Variants in SORCS1 observed in about 807,000 individuals in gnomAD.
SORCS1 encodes VPS10 domain-containing receptor SorCS1.
A neutral mutation model predicts 146.1 loss-of-function variants in SORCS1; 60 were observed. The ratio of observed to expected loss-of-function variants is 0.41; its 90% CI spans 0.33 to 0.51. The LOEUF is 0.51. Ranked by LOEUF, SORCS1 falls within the 20% of genes least tolerant of loss-of-function variation. The probability of loss-of-function intolerance (pLI) is 0.21; values close to 1 mark genes in which losing one functional copy is unlikely to be tolerated. For missense variants in SORCS1, 1,352 were observed against 1,487.6 expected, an observed-to-expected ratio of 0.91 and a Z score of 1.50; for synonymous variants, 637 against 584.0, an observed-to-expected ratio of 1.09 and a Z score of -1.31.
intron 1 of SORCS1, among the ~76,000 whole-genome samples, chr10:107,087,607 A>C (rs963975757): frequency 6.6e-6 from 1 of 152,220 alleles, no homozygotes; most frequent in Non-Finnish European, 1.5e-5. Flanking sequence ...CCACCTGGTC[A>C]ATGCTCAATA....
At chr10:107,056,634 T>C (rs1433442760) in intron 1 of SORCS1, among the ~76,000 whole-genome samples, 1 of 152,134 alleles carries the variant, frequency 6.6e-6, no homozygotes, top group African/African-American at 2.4e-5. Context: ...GAAAGCAAAA[T>C]AACATTTCTC....
intron 15 of SORCS1, 117 bp from the exon 16 acceptor site, chr10:106,671,484 C>T: frequency 1.4e-6 from 2 of 1,422,878 alleles, no homozygotes; most frequent in Non-Finnish European, 1.9e-6. Context: ...ACTTTGGTAG[C>T]CCTCTTTGTG....
intron 1 of SORCS1, among the ~76,000 whole-genome samples, chr10:107,094,902 C>A (rs1033950122): frequency 3.3e-5 from 5 of 152,160 alleles, no homozygotes; most frequent in Non-Finnish European, 5.9e-5. Context: ...GTAATAGAAG[C>A]GTCATAGACA....
At chr10:106,789,846 A>G (rs1284189109) in intron 3 of SORCS1, among the ~76,000 whole-genome samples, 1 of 152,250 alleles carries the variant, frequency 6.6e-6, no homozygotes, top group Non-Finnish European at 1.5e-5. Flanking sequence ...GTAATTTATA[A>G]AGCAAAGAAG....
Position 107,164,668 on chromosome 10 carries a change from G to C in SORCS1, c.-142C>G. 2 of 643,876 alleles carry C rather than the reference G, an allele frequency of 3.1e-6. No homozygotes were observed. The highest frequency in any genetic ancestry group is 4.4e-6 in the Non-Finnish European group (2 of 450,292). The allele number at this position is 643,876 out of a possible 1,614,324, so 39.9% of individuals were successfully genotyped here. A position where few individuals can be genotyped will look rare whatever the true frequency, so the allele number is the denominator to read the frequency against. On this transcript the variant is annotated 5_prime_UTR_variant, in exon 1 of 26. Transcript: ENST00000263054. This position sits in a 1 kb window ranked among gnomAD's most constrained non-coding sequence, Gnocchi z 6.8. ...CGCGGTGGGGGCGGGCGGAGGCGGC[G>C]CCGGGCAGGTGGCGGCCGCTTGCCC...
chr10:107,023,681 G>T (rs1269317866), intron 1 of SORCS1, among the ~76,000 whole-genome samples: 1 of 152,106 alleles, frequency 6.6e-6, no homozygotes, highest in East Asian at 1.9e-4. Context: ...GGGAGGAAAA[G>T]ATGTCAAAAA....
intron 2 of SORCS1, among the ~76,000 whole-genome samples, chr10:106,943,017 G>A (rs1448492045): frequency 6.6e-6 from 1 of 151,998 alleles, no homozygotes; most frequent in Non-Finnish European, 1.5e-5. Flanking sequence ...TTCATATCCT[G>A]TCCCTATTCC....
At chr10:107,132,980 AT>A (rs1337239087) in intron 1 of SORCS1, among the ~76,000 whole-genome samples, 3 of 152,188 alleles carry the variant, frequency 2.0e-5, no homozygotes, top group African/African-American at 7.2e-5. Context: ...CGTCCCCCTT[AT>A]CAGTGTGGGG....
chr10:106,832,151 T>C (rs912062637), intron 2 of SORCS1, among the ~76,000 whole-genome samples: 1 of 151,956 alleles, frequency 6.6e-6, no homozygotes, highest in African/African-American at 2.4e-5. Flanking sequence ...ATCGAAGAAT[T>C]CTTTCCTAGC....
intron 4 of SORCS1, among the ~76,000 whole-genome samples, chr10:106,763,702 T>C (rs1362670091): frequency 2.0e-5 from 3 of 152,180 alleles, no homozygotes; most frequent in African/African-American, 7.2e-5. Context: ...CCTACTAAGA[T>C]TCCTACCGGT....
chr10:106,671,250 C>T lies in SORCS1; in HGVS notation c.2176G>A (p.Ala726Thr), dbSNP rs747095035. 1 of 1,614,086 alleles carries T rather than the reference C, an allele frequency of 6.2e-7. No homozygotes were observed. The highest frequency in any genetic ancestry group is 1.1e-5 in the South Asian group (1 of 91,070). ...MESEPCVCTE[A>T]DFDCDYGYER... ...GCACAAGCTCACCAATCAAAATCAG[C>T]CTCAGTGCAGACACAGGGTTCAGAT... is the stretch of plus-strand genomic sequence containing the variant. Residue 726 changes from alanine to threonine, a missense_variant, in exon 16 of 26, where the codon GCT (alanine) becomes ACT (threonine). By Grantham distance (58) the Ala-to-Thr change is moderately conservative. Transcript: ENST00000263054.
chr10:107,177,515 T>C, the SORCS1 span, among the ~76,000 whole-genome samples: 1 of 152,198 alleles, frequency 6.6e-6, no homozygotes, highest in Non-Finnish European at 1.5e-5. Context: ...ATTGCATATA[T>C]TTATAGGATC....
chr10:106,942,946 T>C (rs1405709440), intron 2 of SORCS1, among the ~76,000 whole-genome samples: 1 of 152,182 alleles, frequency 6.6e-6, no homozygotes, highest in Non-Finnish European at 1.5e-5. Flanking sequence ...TCACCTCCTT[T>C]CTACAAAATC....
intron 3 of SORCS1, among the ~76,000 whole-genome samples, chr10:106,809,133 CTTCT>C (rs1314580030): frequency 6.6e-6 from 1 of 151,624 alleles, no homozygotes; most frequent in Non-Finnish European, 1.5e-5. Flanking sequence ...TTTCGTTCTT[CTTCT>C]TTTTGTTTTG....
chr10:106,654,682 C>A (rs907107134), intron 17 of SORCS1, among the ~76,000 whole-genome samples: 2 of 152,184 alleles, frequency 1.3e-5, no homozygotes, highest in South Asian at 4.1e-4. Context: ...CACTTACCAA[C>A]CCAGCTATGC....
At chr10:106,693,026 T>G (rs1159984474) in intron 9 of SORCS1, among the ~76,000 whole-genome samples, 1 of 152,252 alleles carries the variant, frequency 6.6e-6, no homozygotes, top group Middle Eastern at 3.4e-3. Flanking sequence ...ACATATTGTT[T>G]AAAATTACCT....
intron 10 of SORCS1, among the ~76,000 whole-genome samples, chr10:106,686,228 G>A (rs575287691): frequency 6.6e-6 from 1 of 152,284 alleles, no homozygotes; most frequent in Admixed American, 6.5e-5. Flanking sequence ...CTTGGATTAG[G>A]GCAGTCCCAG....
chr10:107,049,698 G>A (rs1460711082), intron 1 of SORCS1, among the ~76,000 whole-genome samples: 1 of 152,048 alleles, frequency 6.6e-6, no homozygotes, highest in Non-Finnish European at 1.5e-5. Flanking sequence ...TTTTGTACTG[G>A]GAGACTAGAA....
At chr10:106,944,871 CTTCTTTTTTTTTTTT>C (rs1954238519) in intron 2 of SORCS1, among the ~76,000 whole-genome samples, 2 of 61,024 alleles carry the variant, frequency 3.3e-5, no homozygotes, top group East Asian at 3.9e-4. Flanking sequence ...AAGAAAGAGC[CTTCTTTTTTTTTTTT>C]TTTTTTTTTT....
Sources: allele counts gnomAD v4.1 joint callset (sites outside exome capture counted in the v4.1 genomes callset), GRCh38; gene constraint gnomAD v4.1.1; non-coding constraint Gnocchi (gnomAD v3.1); transcripts MANE v1.5; gene names NCBI Gene and HGNC (gene_info 2026-07-23, HGNC 2026-07-21).